Variants in TERB1 observed in about 807,000 individuals in gnomAD.
TERB1 encodes telomere repeats-binding bouquet formation protein 1.
In TERB1, 63 loss-of-function variants were observed where a neutral mutation model predicts 92.3. The observed-to-expected ratio is 0.68, with a 90% CI of 0.56 to 0.84. The LOEUF is 0.84. Among genes scored for constraint, TERB1 ranks in the 40% least tolerant of loss-of-function variants. The pLI, the probability that TERB1 is intolerant of heterozygous loss-of-function variation, is 0.00. For synonymous variants in TERB1, 252 were observed against 283.9 expected (o/e 0.89, Z 1.13); for missense variants, 709 against 843.7 (o/e 0.84, Z 1.98).
rs568636950 is a variant in TERB1, at chr16:66,775,556, C to T, written c.986-313G>A. 5.0e-4 allele frequency among the ~76,000 whole-genome samples: 76 copies of T among 152,150 alleles called. 2 individuals carry two copies. The Middle Eastern group carries it at 0.02, about 41-fold the overall frequency. ...AATTGAGGCACAATAACTGCTTGAA[C>T]CTGGGAGGTGGAGGCTGCAGTGAGC... On this transcript the variant is annotated intron_variant, in intron 11 of 18. Transcript: ENST00000433154.
chr16:66,771,272 A>G (rs1029554355), intron 13 of TERB1, among the ~76,000 whole-genome samples: 1 of 152,204 alleles, frequency 6.6e-6, no homozygotes, highest in African/African-American at 2.4e-5. Context: ...ATTTTTCTTC[A>G]TCTATTACAC....
At chr16:66,800,480 T>C (rs1597031318) in intron 2 of TERB1, among the ~76,000 whole-genome samples, 1 of 135,086 alleles carries the variant, frequency 7.4e-6, no homozygotes, top group Admixed American at 8.1e-5. Context: ...AACCTCCGCC[T>C]CCCGGGTTCA....
chr16:66,789,035 A>AG (rs1344112210), intron 5 of TERB1, among the ~76,000 whole-genome samples: 1 of 151,226 alleles, frequency 6.6e-6, no homozygotes, highest in African/African-American at 2.4e-5. Context: ...AAAAAAAAAA[A>AG]AAAGAAAGAA....
rs1414292269 is a variant in TERB1, at chr16:66,796,844, G to A, written c.-32-14C>T. 1 of 1,316,072 alleles carries A rather than the reference G, an allele frequency of 7.6e-7. No individual in the cohort carries two copies. The highest frequency in any genetic ancestry group is 1.1e-6 in the Non-Finnish European group (1 of 939,136). 81.5% of individuals were successfully genotyped at this position (1,316,072 alleles called of 1,614,324 possible). ...CTTATATTTTGTCTATAAGATAAAG[G>A]TATTTTCTCAATTTAAATCAATGTT... is the stretch of plus-strand genomic sequence containing the variant. On this transcript the variant is annotated splice_polypyrimidine_tract_variant and intron_variant, in intron 2 of 18. Transcript: ENST00000433154.
At chr16:66,768,679 T>C (rs778370252) in intron 14 of TERB1, among the ~76,000 whole-genome samples, 3 of 152,204 alleles carry the variant, frequency 2.0e-5, no homozygotes, top group Non-Finnish European at 2.9e-5. Flanking sequence ...GTAGATCAGA[T>C]AGCAGGCATA....
chr16:66,758,986 T>C, intron 17 of TERB1, 148 bp from the exon 18 acceptor site: 1 of 918,372 alleles, frequency 1.1e-6, no homozygotes, highest in South Asian at 1.7e-5. Flanking sequence ...AGTCTAAGAC[T>C]ACTCCCTGGG....
At chr16:66,791,312 T>C (rs1225716136) in intron 3 of TERB1, among the ~76,000 whole-genome samples, 2 of 151,948 alleles carry the variant, frequency 1.3e-5, no homozygotes, top group African/African-American at 2.4e-5. Flanking sequence ...ATATCTGTCA[T>C]TTAGAAAAAA....
In TERB1 at chr16:66,777,284, C is replaced by A. The variant is rs866619389; in HGVS notation, c.904G>T (p.Ala302Ser). 1.9e-6 allele frequency: 3 copies of A among 1,549,574 alleles called. No individual in the cohort carries two copies. Among genetic ancestry groups the A allele is most frequent in the Non-Finnish European group, 1.7e-6 (2 of 1,145,342 alleles). ...SKYHIVSKLL[A>S]LLLHESLDSG... ...TCCAGACTTTCATGAAGCAGTAATG[C>A]CAGAAGTTTAGAAACAATGTGGTAC... The change falls in exon 11 of 19, where the codon GCA (alanine) becomes TCA (serine). Residue 302 changes from alanine to serine, a missense_variant. Physicochemically the swap from Ala to Ser is moderately conservative, Grantham distance 99 (BLOSUM62 1). Coordinates refer to ENST00000433154, the MANE Select transcript of TERB1 (RefSeq NM_001136505.2).
rs776007392 is a variant in TERB1 at position 66,778,852 on chromosome 16, C to G, written c.853+11G>C. ...TCAATTTCAAAAAAACTAGTAAGCA[C>G]TGTCACTCACGATTATCAGCAATGC... is the stretch of plus-strand genomic sequence containing the variant. On this transcript the variant is annotated intron_variant, in intron 10 of 18. Transcript: ENST00000433154. The G allele has an allele frequency of 6.8e-7, 1 of 1,476,412 alleles. No individual in the cohort carries two copies. The highest frequency in any genetic ancestry group is 1.4e-5 in the South Asian group (1 of 74,040). 91.5% of individuals were successfully genotyped at this position (1,476,412 alleles called of 1,614,324 possible).
chr16:66,773,678 T>C (rs943533858), intron 12 of TERB1, among the ~76,000 whole-genome samples: 1 of 152,228 alleles, frequency 6.6e-6, no homozygotes, highest in Non-Finnish European at 1.5e-5. Flanking sequence ...ACCAGATTCC[T>C]TTGTTATAGG....
Position 66,775,245 on chromosome 16 carries a change from T to C in TERB1, c.986-2A>G. The C allele has an allele frequency of 6.5e-7, 1 of 1,548,446 alleles. No individual in the cohort carries two copies. On this transcript the variant is annotated splice_acceptor_variant, in intron 11 of 18. Transcript: ENST00000433154. LOFTEE classifies it high-confidence loss of function. Reference sequence around the variant, plus strand: ...TAAAAAGGTCATACTGATTTTCCTCTGGAAAACATAAACAAAGAGGACAAT... The same window carrying C: ...TAAAAAGGTCATACTGATTTTCCTCCGGAAAACATAAACAAAGAGGACAAT...
chr16:66,767,571 G>T (rs2018369356), intron 15 of TERB1, 61 bp from the exon 16 acceptor site: 1 of 782,990 alleles, frequency 1.3e-6, no homozygotes, highest in Non-Finnish European at 2.1e-6. Flanking sequence ...ATATTTTCAG[G>T]ATTTATTAAA....
At chr16:66,757,072 A>G (rs762590585) in intron 18 of TERB1, among the ~76,000 whole-genome samples, 1 of 152,118 alleles carries the variant, frequency 6.6e-6, no homozygotes, top group Non-Finnish European at 1.5e-5. Flanking sequence ...TGAGTATCCT[A>G]AAAAAAGGTT....
Position 66,790,576 on chromosome 16 carries a change from A to C in TERB1, c.271+19T>G. ...AACACAATGCTTAAAGTATAATGAA[A>C]TAAAGTTTTATATTTTACCATTTTT... is the stretch of plus-strand genomic sequence containing the variant. On this transcript the variant is annotated intron_variant, in intron 5 of 18. Coordinates refer to ENST00000433154, the MANE Select transcript of TERB1 (RefSeq NM_001136505.2). 6.7e-7 allele frequency: 1 copy of C among 1,500,370 alleles called. No homozygotes were observed. The allele number at this position is 1,500,370 out of a possible 1,614,324, so 92.9% of individuals were successfully genotyped here.
At chr16:66,790,014 G>A (rs2018802900) in intron 5 of TERB1, among the ~76,000 whole-genome samples, 1 of 152,056 alleles carries the variant, frequency 6.6e-6, no homozygotes, top group Non-Finnish European at 1.5e-5. Flanking sequence ...CCTGGCTGAT[G>A]AAGAAATATT....
intron 16 of TERB1, among the ~76,000 whole-genome samples, chr16:66,763,246 C>A (rs575869093): frequency 6.6e-6 from 1 of 152,242 alleles, no homozygotes; most frequent in Admixed American, 6.5e-5. Context: ...GCTGGAACTA[C>A]AGACACACGC....
chr16:66,781,248 G>T (rs938541379), intron 9 of TERB1, among the ~76,000 whole-genome samples: 1 of 152,090 alleles, frequency 6.6e-6, no homozygotes, highest in Non-Finnish European at 1.5e-5. Context: ...GTAGAGACAA[G>T]GTCTCACTAC....
chr16:66,787,162 G>A (rs1048449263), intron 6 of TERB1, among the ~76,000 whole-genome samples: 1 of 152,050 alleles, frequency 6.6e-6, no homozygotes, highest in Non-Finnish European at 1.5e-5. Flanking sequence ...ACAGTGGCTT[G>A]ATCACAGCTC....
intron 3 of TERB1, among the ~76,000 whole-genome samples, chr16:66,794,490 C>A (rs1281337432): frequency 6.6e-6 from 1 of 152,054 alleles, no homozygotes; most frequent in Non-Finnish European, 1.5e-5. Context: ...CCCTTCCCAG[C>A]CAAAGCATCT....
Sources: gnomAD v4.1 joint callset for allele counts (sites outside exome capture counted in the v4.1 genomes callset) on GRCh38, gnomAD v4.1.1 for gene constraint, MANE v1.5 for transcripts, NCBI Gene and HGNC (gene_info 2026-07-23, HGNC 2026-07-21) for gene names.